The following NTM variants were observed in gnomAD, a reference collection of about 807,000 sequenced individuals.
The protein encoded by NTM is neurotrimin, also known as IgLON family member 2.
A neutral mutation model predicts 42.1 loss-of-function variants in NTM; 13 were observed. That is an observed-to-expected ratio of 0.31 (90% CI 0.20 to 0.49). The LOEUF (loss-of-function observed/expected upper bound fraction) is 0.49. Among genes scored for constraint, NTM ranks in the 20% least tolerant of loss-of-function variants. NTM has a pLI of 0.99. For synonymous variants in NTM, 187 were observed against 179.2 expected (o/e 1.04, Z -0.35); for missense variants, 373 against 452.8 (o/e 0.82, Z 1.60).
intron 2 of NTM, among the ~76,000 whole-genome samples, chr11:131,972,147 A>G (rs1175650223): frequency 6.6e-6 from 1 of 151,712 alleles, no homozygotes; most frequent in Non-Finnish European, 1.5e-5. Flanking sequence ...TAGGAGTTTG[A>G]GGTTGCAATG....
At chr11:131,587,950 A>T (rs776040314) in intron 1 of NTM, among the ~76,000 whole-genome samples, 7 of 152,242 alleles carry the variant, frequency 4.6e-5, no homozygotes, top group Non-Finnish European at 8.8e-5. Context: ...ATAGCTGAGC[A>T]TCAAGTAAGC....
chr11:131,746,975 G>A (rs981571598), intron 1 of NTM, among the ~76,000 whole-genome samples: 16 of 152,070 alleles, frequency 1.1e-4, no homozygotes. Context: ...TGTAAAATTG[G>A]TGTAAAAATA....
At chr11:131,812,379 G>A (rs994846902) in intron 1 of NTM, among the ~76,000 whole-genome samples, 2 of 152,134 alleles carry the variant, frequency 1.3e-5, no homozygotes, top group Non-Finnish European at 2.9e-5. Context: ...AAGCATTCAG[G>A]CATGAGGATA....
At chr11:131,890,178 GTCTC>G (rs1333519466) in intron 1 of NTM, among the ~76,000 whole-genome samples, 2 of 56,560 alleles carry the variant, frequency 3.5e-5, no homozygotes, top group African/African-American at 7.1e-5. Context: ...CTCTCTCTCT[GTCTC>G]TCTCTCTCTC....
intron 1 of NTM, chr11:131,911,134 A>G: frequency 7.9e-7 from 1 of 1,258,154 alleles, no homozygotes; most frequent in African/African-American, 1.5e-5. Context: ...CCGTGTCTGA[A>G]CTGCCGCTGG....
intron 1 of NTM, among the ~76,000 whole-genome samples, chr11:131,807,982 T>C (rs2092582752): frequency 6.6e-6 from 1 of 152,138 alleles, no homozygotes; most frequent in Non-Finnish European, 1.5e-5. Context: ...TAAGTGAAGG[T>C]GAACATTTTG....
chr11:131,910,477 C>A (rs1355631213), intron 1 of NTM, among the ~76,000 whole-genome samples: 1 of 151,468 alleles, frequency 6.6e-6, no homozygotes, highest in African/African-American at 2.4e-5. Context: ...CCCCGCGCCC[C>A]GCGCCCTCCC....
intron 2 of NTM, among the ~76,000 whole-genome samples, chr11:131,944,740 T>A (rs778796033): frequency 3.3e-5 from 5 of 152,180 alleles, no homozygotes; most frequent in Non-Finnish European, 7.3e-5. Flanking sequence ...TTTAAGCAAA[T>A]GTGTACAGCA....
chr11:132,114,141 T>A (rs548047543), intron 2 of NTM, among the ~76,000 whole-genome samples: 4 of 152,320 alleles, frequency 2.6e-5, no homozygotes, highest in Non-Finnish European at 5.9e-5. Context: ...TTTAAAAAAA[T>A]AAAAGAGATG....
chr11:132,319,639 G>C (rs1479769799), intron 7 of NTM, among the ~76,000 whole-genome samples: 1 of 152,218 alleles, frequency 6.6e-6, no homozygotes, highest in Non-Finnish European at 1.5e-5. Flanking sequence ...GAACTGGGTG[G>C]AGCCCACCAC....
At chr11:132,087,540 T>G (rs889136081) in intron 2 of NTM, among the ~76,000 whole-genome samples, 2 of 152,140 alleles carry the variant, frequency 1.3e-5, no homozygotes, top group African/African-American at 2.4e-5. Context: ...AATCCCCCAG[T>G]GACCCACACC....
chr11:131,869,377 C>T (rs1363235209), intron 1 of NTM, among the ~76,000 whole-genome samples: 1 of 152,204 alleles, frequency 6.6e-6, no homozygotes, highest in Non-Finnish European at 1.5e-5. Flanking sequence ...ACTCCTTCTA[C>T]CTTTCGTAGC....
chr11:131,403,377 C>T (rs1010639591), intron 1 of NTM, among the ~76,000 whole-genome samples: 1 of 152,164 alleles, frequency 6.6e-6, no homozygotes, highest in Non-Finnish European at 1.5e-5. Flanking sequence ...ATCACTCTTG[C>T]AGACACTCTC....
intron 1 of NTM, among the ~76,000 whole-genome samples, chr11:131,713,232 A>G (rs2077357559): frequency 6.6e-6 from 1 of 152,256 alleles, no homozygotes; most frequent in Non-Finnish European, 1.5e-5. Context: ...TGTTCTAAAT[A>G]TAAACGACAC....
At chr11:131,680,881 G>C (rs111211562) in intron 1 of NTM, among the ~76,000 whole-genome samples, 1 of 21,532 alleles carries the variant, frequency 4.6e-5, no homozygotes, top group Non-Finnish European at 9.8e-5. Context: ...TTCTGTGTCT[G>C]TGTGTGTGTC....
At chr11:132,144,536 C>T (rs1268648827) in intron 2 of NTM, among the ~76,000 whole-genome samples, 1 of 152,336 alleles carries the variant, frequency 6.6e-6, no homozygotes, top group African/African-American at 2.4e-5. Context: ...CCTAGACACA[C>T]TGCTCCATAT....
At chr11:131,951,965 A>G (rs2061048734) in intron 2 of NTM, among the ~76,000 whole-genome samples, 1 of 152,154 alleles carries the variant, frequency 6.6e-6, no homozygotes, top group South Asian at 2.1e-4. Flanking sequence ...AGTAGATAGT[A>G]TATGACCTAT....
chr11:131,621,868 G>T (rs1207567933), intron 1 of NTM, among the ~76,000 whole-genome samples: 3 of 147,842 alleles, frequency 2.0e-5, no homozygotes, highest in Non-Finnish European at 4.5e-5. Flanking sequence ...AGTGGGGAAA[G>T]AATTATTTCT....
intron 1 of NTM, among the ~76,000 whole-genome samples, chr11:131,581,737 G>A (rs2058430580): frequency 6.6e-6 from 1 of 152,090 alleles, no homozygotes; most frequent in African/African-American, 2.4e-5. Flanking sequence ...TGGGCCCAGG[G>A]CAGGAGACTG....
Sources: allele counts gnomAD v4.1 joint callset (sites outside exome capture counted in the v4.1 genomes callset), GRCh38; gene constraint gnomAD v4.1.1; transcripts MANE v1.5; gene names NCBI Gene and HGNC (gene_info 2026-07-23, HGNC 2026-07-21).